RGS6: variants seen among roughly 807,000 people sequenced by gnomAD.
RGS6 encodes the protein regulator of G protein signaling 6, also known as regulator of G-protein signaling 6.
A neutral mutation model predicts 78.5 loss-of-function variants in RGS6; 30 were observed. That is an observed-to-expected ratio of 0.38 (90% CI 0.29 to 0.52). The LOEUF (loss-of-function observed/expected upper bound fraction) is 0.52, where lower values mean the gene tolerates loss of function less well. RGS6 is among the 20% of genes least tolerant of loss of function. RGS6 has a pLI of 0.85. For missense variants in RGS6, 495 were observed against 609.7 expected, an observed-to-expected ratio of 0.81 and a Z score of 1.98; for synonymous variants, 206 against 206.0, an observed-to-expected ratio of 1.00 and a Z score of 0.00.
At chr14:72,593,366 G>T in the RGS6 span, among the ~76,000 whole-genome samples, 4 of 148,370 alleles carry the variant, frequency 2.7e-5, no homozygotes, top group Non-Finnish European at 6.0e-5. Context: ...TAAAGATTCT[G>T]GTCGTCTATG....
intron 2 of RGS6, among the ~76,000 whole-genome samples, chr14:72,056,415 C>G (rs754193629): frequency 1.3e-5 from 2 of 152,214 alleles, no homozygotes; most frequent in Non-Finnish European, 2.9e-5. Context: ...AGCCTTTAAT[C>G]TCCTACCCAA....
Position 72,202,615 on chromosome 14 carries a change from G to C in RGS6, c.85-149480G>C, listed in dbSNP as rs1418462264. Among the ~76,000 whole-genome samples, 7 of 152,064 alleles carry C rather than the reference G, an allele frequency of 4.6e-5. No homozygotes were observed. The East Asian group carries it at 1.2e-3, about 25-fold the overall frequency. On this transcript the variant is annotated intron_variant, in intron 2 of 17. Coordinates refer to ENST00000553525, the MANE Select transcript of RGS6 (RefSeq NM_001204424.2). ...TCATCAAGGCCACTTCCTCTCCCAGGAGAGTAAGCAAACTTACTGCCCAGA... is the reference window on the plus strand; with the variant it reads ...TCATCAAGGCCACTTCCTCTCCCAGCAGAGTAAGCAAACTTACTGCCCAGA...
chr14:72,303,758 T>C (rs180907320), intron 2 of RGS6, among the ~76,000 whole-genome samples: 177 of 152,316 alleles, frequency 1.2e-3, no homozygotes, highest in Non-Finnish European at 2.0e-3. Context: ...AGAGATACTC[T>C]ATGCATGATG....
the RGS6 span, among the ~76,000 whole-genome samples, chr14:71,871,559 T>C: frequency 1.3e-5 from 2 of 152,106 alleles, no homozygotes; most frequent in African/African-American, 2.4e-5. Flanking sequence ...AAATATTACC[T>C]TGTGGATTCC....
intron 2 of RGS6, among the ~76,000 whole-genome samples, chr14:72,027,234 A>T (rs1017654075): frequency 1.6e-4 from 24 of 151,008 alleles, no homozygotes; most frequent in African/African-American, 3.6e-4. Flanking sequence ...AGAGAGAGAG[A>T]GTGTGTGTGT....
intron 2 of RGS6, among the ~76,000 whole-genome samples, chr14:72,164,388 G>C (rs2096896430): frequency 6.6e-6 from 1 of 152,148 alleles, no homozygotes; most frequent in African/African-American, 2.4e-5. Context: ...CCACTCTTTA[G>C]ATGTTCACGG....
chr14:72,141,677 C>G (rs777331685), intron 2 of RGS6, among the ~76,000 whole-genome samples: 1 of 152,092 alleles, frequency 6.6e-6, no homozygotes, highest in Non-Finnish European at 1.5e-5. Flanking sequence ...CCCAAAGATG[C>G]CTTTGCCTGG....
chr14:72,607,931 G>T, the RGS6 span, among the ~76,000 whole-genome samples: 1 of 152,202 alleles, frequency 6.6e-6, no homozygotes, highest in African/African-American at 2.4e-5. Flanking sequence ...GGCTGAAGGC[G>T]CATGGATGAC....
chr14:71,938,754 C>T (rs1807731496), intron 1 of RGS6, among the ~76,000 whole-genome samples: 1 of 152,142 alleles, frequency 6.6e-6, no homozygotes, highest in Non-Finnish European at 1.5e-5. Context: ...TCAGAAAGCA[C>T]CCAGTTCATG....
In RGS6 at chr14:72,451,157, T is replaced by C. The variant is rs575202086; in HGVS notation, c.185-3371T>C. 3.3e-5 allele frequency among the ~76,000 whole-genome samples: 5 copies of C among 152,234 alleles called. No individual in the cohort carries two copies. In the South Asian group the frequency reaches 1.0e-3, roughly 32 times the overall value. On this transcript the variant is annotated intron_variant, in intron 3 of 17. Coordinates refer to ENST00000553525, the MANE Select transcript of RGS6 (RefSeq NM_001204424.2). ...GTGGCGGAGTAGATGCCACTGCAGA[T>C]TGAGTGCAGTGTCCCAGGCAGCCAG...
intron 2 of RGS6, among the ~76,000 whole-genome samples, chr14:72,192,205 T>G (rs954964364): frequency 3.3e-5 from 5 of 152,220 alleles, no homozygotes; most frequent in Admixed American, 2.6e-4. Flanking sequence ...TCTGGAGACA[T>G]GAAGTCATTG....
chr14:72,177,572 G>C (rs2097122837), intron 2 of RGS6, among the ~76,000 whole-genome samples: 2 of 152,226 alleles, frequency 1.3e-5, no homozygotes, highest in Admixed American at 1.3e-4. Flanking sequence ...AAGGGGCAGA[G>C]AGGTAGATTT....
chr14:72,459,740 G>A, intron 6 of RGS6, 57 bp downstream of exon 6: 4 of 1,556,426 alleles, frequency 2.6e-6, no homozygotes, highest in Non-Finnish European at 3.5e-6. Flanking sequence ...CACTTCTGGG[G>A]GTGCAGAAGA....
chr14:72,025,889 A>G (rs2089741877), intron 2 of RGS6, among the ~76,000 whole-genome samples: 1 of 152,184 alleles, frequency 6.6e-6, no homozygotes, highest in Non-Finnish European at 1.5e-5. Context: ...TCTTACCACT[A>G]TATTATGCTG....
At chr14:72,215,975 C>T (rs532044358) in intron 2 of RGS6, among the ~76,000 whole-genome samples, 57 of 152,296 alleles carry the variant, frequency 3.7e-4, no homozygotes, top group African/African-American at 1.3e-3. Flanking sequence ...TATACTCCCT[C>T]ACCTTCCTAG....
intron 2 of RGS6, among the ~76,000 whole-genome samples, chr14:72,334,302 G>A (rs562702561): frequency 8.5e-4 from 129 of 152,376 alleles, no homozygotes; most frequent in Non-Finnish European, 1.2e-3. Context: ...GCTGGGCCAA[G>A]CACAGCCCCT....
intron 2 of RGS6, among the ~76,000 whole-genome samples, chr14:72,101,793 G>A (rs551162866): frequency 6.6e-6 from 1 of 152,204 alleles, no homozygotes; most frequent in Non-Finnish European, 1.5e-5. Flanking sequence ...GGGGCCTTTG[G>A]AAGATAATCA....
the RGS6 span, among the ~76,000 whole-genome samples, chr14:72,605,774 G>A: frequency 2.6e-5 from 4 of 152,194 alleles, no homozygotes; most frequent in Non-Finnish European, 5.9e-5. Flanking sequence ...CAAAAGCCGG[G>A]AATGGGCTAC....
chr14:72,602,308 C>T, the RGS6 span, among the ~76,000 whole-genome samples: 1 of 152,060 alleles, frequency 6.6e-6, no homozygotes, highest in South Asian at 2.1e-4. Flanking sequence ...ATTACATGGT[C>T]GACGAGAGGA....
Sources: allele counts gnomAD v4.1 joint callset (sites outside exome capture counted in the v4.1 genomes callset), GRCh38; gene constraint gnomAD v4.1.1; transcripts MANE v1.5; gene names NCBI Gene and HGNC (gene_info 2026-07-23, HGNC 2026-07-21).